Variants in DDIAS observed in about 807,000 individuals in gnomAD.
DDIAS encodes the protein DNA damage-induced apoptosis suppressor protein.
A neutral mutation model predicts 15.7 loss-of-function variants in DDIAS; 14 were observed. The ratio of observed to expected loss-of-function variants is 0.89; its 90% CI spans 0.59 to 1.39. DDIAS has a LOEUF of 1.39. Among genes scored for constraint, DDIAS ranks in the 40% most tolerant of loss-of-function variants. The pLI is 0.00. For synonymous variants in DDIAS, 355 were observed against 395.9 expected (o/e 0.90, Z 1.23); for missense variants, 1,035 against 1,130.9 (o/e 0.92, Z 1.22).
At position 82,932,971 on chromosome 11, in the gene DDIAS, T is replaced by C; in HGVS notation, c.1633T>C (p.Ser545Pro). The change falls in exon 6 of 6, where the codon TCT (serine) becomes CCT (proline). Residue 545 changes from serine to proline, a missense_variant. Transcript: ENST00000533655. Reference protein sequence around the residue: ...PNPYLSALSSSSKDLETIVTL... With the variant: ...PNPYLSALSSPSKDLETIVTL... ...TCCTTACCTGTCAGCTCTGTCTTCA[T>C]CTTCAAAAGATTTAGAAACAATAGT... 6.2e-7 allele frequency: 1 copy of C among 1,612,500 alleles called. No individual in the cohort carries two copies. The highest frequency in any genetic ancestry group is 8.5e-7 in the Non-Finnish European group (1 of 1,179,654).
At chr11:82,909,440 C>T (rs1249393210) in intron 1 of DDIAS, 1 of 152,216 alleles carries the variant, frequency 6.6e-6, no homozygotes, top group Non-Finnish European at 1.5e-5. Flanking sequence ...AATGCCTTAA[C>T]CGTCTGGGAA....
At chr11:82,921,429 G>GT (rs905793060) in intron 3 of DDIAS, among the ~76,000 whole-genome samples, 27 of 151,230 alleles carry the variant, frequency 1.8e-4, no homozygotes, top group African/African-American at 4.9e-4. Flanking sequence ...TGTGTACCTT[G>GT]TTTTTTTTGT....
chr11:82,910,606 C>CTTT lies in DDIAS; in HGVS notation c.-116-2656_-116-2654dup, dbSNP rs869173859. On this transcript the variant is annotated intron_variant, in intron 1 of 5. Transcript: ENST00000533655. ...CTTTTAATTTTTTCTCTCTCTCTCT[C>CTTT]TTTTTTTTTTTTTTTTTTTTTTTTT... Among the ~76,000 whole-genome samples the CTTT allele has an allele frequency of 1.3e-3, 113 of 89,124 alleles. 5 individuals are homozygous for CTTT. The highest frequency in any genetic ancestry group is 2.5e-3 in the African/African-American group (46 of 18,716). The allele number at this position is 89,124 out of a possible 152,430, so 58.5% of individuals were successfully genotyped here. A position where few individuals can be genotyped will look rare whatever the true frequency, so the allele number is the denominator to read the frequency against.
chr11:82,921,173 G>C (rs61902278), intron 3 of DDIAS, among the ~76,000 whole-genome samples: 1 of 152,028 alleles, frequency 6.6e-6, no homozygotes, highest in African/African-American at 2.4e-5. Flanking sequence ...GTTTGTTTTT[G>C]TCTAATATAA....
chr11:82,913,445 G>A (rs6592088), intron 2 of DDIAS, 59 bp downstream of exon 2: 105,263 of 228,702 alleles, frequency 0.46, 24,786 homozygotes, highest in Admixed American at 0.53. Context: ...GTGTCTCCCT[G>A]TGTTTCCCAG....
chr11:82,908,296 A>T (rs1338859008), intron 1 of DDIAS, among the ~76,000 whole-genome samples: 1 of 152,096 alleles, frequency 6.6e-6, no homozygotes, highest in African/African-American at 2.4e-5. Flanking sequence ...AGTGGTACAA[A>T]GTGAGGTCAG....
chr11:82,904,978 T>C (rs1007333380), intron 1 of DDIAS, among the ~76,000 whole-genome samples: 36 of 152,228 alleles, frequency 2.4e-4, no homozygotes, highest in African/African-American at 7.7e-4. Flanking sequence ...TTCCCTGTGA[T>C]GGTAATTTTT....
chr11:82,933,397 A>G lies in DDIAS; in HGVS notation c.2059A>G (p.Met687Val). Residue 687 changes from methionine to valine, a missense_variant, in exon 6 of 6, where the codon ATG becomes GTG. Coordinates refer to ENST00000533655, the MANE Select transcript of DDIAS (RefSeq NM_145018.4). ...TCTCTTTGATGATATTGCTAAAGAA[A>G]TGGACATTGCAACTGAGATTACCAA... ...ADLFDDIAKEMDIATEITKKS... is the reference protein window; with the variant it reads ...ADLFDDIAKEVDIATEITKKS... 2 of 1,614,020 alleles carry G rather than the reference A, an allele frequency of 1.2e-6. No individual in the cohort carries two copies.
At chr11:82,903,636 G>A (rs910335880) in intron 1 of DDIAS, among the ~76,000 whole-genome samples, 4 of 151,652 alleles carry the variant, frequency 2.6e-5, no homozygotes, top group African/African-American at 7.3e-5. Flanking sequence ...TAGAATTTTC[G>A]TGTCAATGTT....
chr11:82,933,930 G>A lies in DDIAS; in HGVS notation c.2592G>A (p.Trp864Ter). Residue 864 changes from tryptophan to a stop codon, truncating the protein, a stop_gained, in exon 6 of 6, where the codon TGG (tryptophan) becomes TGA (stop). Coordinates refer to ENST00000533655, the MANE Select transcript of DDIAS (RefSeq NM_145018.4). LOFTEE classifies it low-confidence loss of function (END_TRUNC). ...AECHETDSDE[W>*]VPPTTQKIFP... Reference sequence around the variant, plus strand: ...GCCATGAAACTGATAGTGATGAATGGGTCCCTCCTACCACACAAAAAATAT... The same window carrying A: ...GCCATGAAACTGATAGTGATGAATGAGTCCCTCCTACCACACAAAAAATAT... 6.2e-7 allele frequency: 1 copy of A among 1,613,178 alleles called. No individual in the cohort carries two copies. The highest frequency in any genetic ancestry group is 2.2e-5 in the East Asian group (1 of 44,862).
At chr11:82,920,157 C>G (rs1373013553) in intron 3 of DDIAS, among the ~76,000 whole-genome samples, 1 of 151,904 alleles carries the variant, frequency 6.6e-6, no homozygotes, top group African/African-American at 2.4e-5. Flanking sequence ...TCTAGGTTTT[C>G]TAGCTTGTGT....
chr11:82,925,252 G>A (rs1017807385), intron 3 of DDIAS, among the ~76,000 whole-genome samples: 1 of 151,796 alleles, frequency 6.6e-6, no homozygotes, highest in African/African-American at 2.4e-5. Flanking sequence ...ATATTTTTTT[G>A]ATTTCTCAGT....
chr11:82,930,082 T>C, intron 4 of DDIAS, 75 bp from the exon 5 acceptor site: 1 of 832,872 alleles, frequency 1.2e-6, no homozygotes. Context: ...TTCAAATTAA[T>C]TGTGTCTCTG....
At position 82,932,399 on chromosome 11, in the gene DDIAS, A is replaced by C. The variant is rs748859666; in HGVS notation, c.1061A>C (p.Lys354Thr). The change falls in exon 6 of 6, where the codon AAA becomes ACA. Residue 354 changes from lysine (K) to threonine (T), a missense_variant. Transcript: ENST00000533655. Reference protein sequence around the residue: ...MREPLESSNTKSFHSAVEIKN... With the variant: ...MREPLESSNTTSFHSAVEIKN... The stretch of plus-strand genomic sequence containing the variant: ...GAGCCCCTTGAGTCAAGTAATACAA[A>C]ATCCTTCCACAGTGCAGTGGAAATT... 1.2e-6 allele frequency: 2 copies of C among 1,613,964 alleles called. No individual in the cohort carries two copies. Among genetic ancestry groups the C allele is most frequent in the Non-Finnish European group, 1.7e-6 (2 of 1,180,000 alleles).
rs1320182329 is a variant in DDIAS at position 82,933,618 on chromosome 11, T to C, written c.2280T>C (p.Tyr760=). ...PTPHFQSDSE[Y]NFENSQDFVP... ...CTCATTTTCAATCAGATTCAGAATA[T>C]AATTTTGAAAATAGTCAAGACTTTG... is the stretch of plus-strand genomic sequence containing the variant. Residue 760 remains tyrosine, a synonymous_variant, in exon 6 of 6, where the codon TAT becomes TAC. Coordinates refer to ENST00000533655, the MANE Select transcript of DDIAS (RefSeq NM_145018.4). 1.2e-6 allele frequency: 2 copies of C among 1,613,742 alleles called. No homozygotes were observed. The highest frequency in any genetic ancestry group is 2.2e-5 in the South Asian group (2 of 90,960).
chr11:82,933,031 A>C lies in DDIAS; in HGVS notation c.1693A>C (p.Arg565=), dbSNP rs1861034083. 6.2e-7 allele frequency: 1 copy of C among 1,607,302 alleles called. No individual in the cohort carries two copies. Among genetic ancestry groups the C allele is most frequent in the African/African-American group, 1.3e-5 (1 of 74,930 alleles). ...LKKTIRISPH[R]ESDHSSLNNK... ...GAAGACTATCAGAATCTCACCACAC[A>C]GGGAGAGTGACCATTCTAGTCTAAA... Residue 565 remains arginine, a synonymous_variant, in exon 6 of 6, where the codon AGG becomes CGG. Coordinates refer to ENST00000533655, the MANE Select transcript of DDIAS (RefSeq NM_145018.4).
chr11:82,920,888 G>A (rs1860732818), intron 3 of DDIAS, among the ~76,000 whole-genome samples: 1 of 152,166 alleles, frequency 6.6e-6, no homozygotes, highest in Admixed American at 6.5e-5. Flanking sequence ...TATCTGTTAA[G>A]TTCATTTGTT....
intron 1 of DDIAS, chr11:82,909,223 A>T (rs1048922206): frequency 6.6e-6 from 1 of 152,224 alleles, no homozygotes; most frequent in Non-Finnish European, 1.5e-5. Context: ...TTTAGACCAT[A>T]TAGGGTAACT....
At position 82,928,879 on chromosome 11, in the gene DDIAS, T is replaced by C. The variant is rs1860924834; in HGVS notation, c.216T>C (p.Ile72=). ...CAGAATCAAACAAATTGTTTGTTAT[T>C]ACTGTATTTGGAAGTTGCTTAGATA... ...KVAESNKLFV[I]TVFGSCLDTF... is the part of the protein sequence containing the mutation. Residue 72 remains isoleucine, a synonymous_variant, in exon 4 of 6, where the codon ATT becomes ATC. Coordinates refer to ENST00000533655, the MANE Select transcript of DDIAS (RefSeq NM_145018.4). The C allele has an allele frequency of 3.7e-6, 6 of 1,613,134 alleles. No individual in the cohort carries two copies. The East Asian group carries it at 1.3e-4, about 36-fold the overall frequency.
Sources: allele counts gnomAD v4.1 joint callset (sites outside exome capture counted in the v4.1 genomes callset), GRCh38; gene constraint gnomAD v4.1.1; transcripts MANE v1.5; gene names NCBI Gene and HGNC (gene_info 2026-07-23, HGNC 2026-07-21).